DGKG: variants seen among roughly 807,000 people sequenced by gnomAD.
The protein encoded by DGKG is diacylglycerol kinase gamma, also known as DAG kinase gamma.
In DGKG, 78 loss-of-function variants were observed where a neutral mutation model predicts 105.3. The observed-to-expected ratio is 0.74, with a 90% CI of 0.62 to 0.89. The LOEUF is 0.89. Ranked by LOEUF, DGKG falls within the 40% of genes least tolerant of loss-of-function variation. The pLI, the probability that DGKG is intolerant of heterozygous loss-of-function variation, is 0.00. For missense variants in DGKG, 958 were observed against 1,020.1 expected (o/e 0.94, Z 0.83); for synonymous variants, 346 against 367.1 (o/e 0.94, Z 0.66).
intron 20 of DGKG, among the ~76,000 whole-genome samples, chr3:186,221,665 C>T (rs1719587703): frequency 6.6e-6 from 1 of 152,292 alleles, no homozygotes; most frequent in African/African-American, 2.4e-5. Flanking sequence ...GCGGTGGGGA[C>T]AGTGAAGATA....
At chr3:186,241,380 C>T (rs1720677516) in intron 20 of DGKG, among the ~76,000 whole-genome samples, 1 of 151,916 alleles carries the variant, frequency 6.6e-6, no homozygotes, top group Admixed American at 6.6e-5. Flanking sequence ...TAGTGAAACC[C>T]CATCTCTACT....
rs188251535 is a variant in DGKG, at chr3:186,334,453, G to C, written c.-248-13746C>G. Among the ~76,000 whole-genome samples, 125 of 152,326 alleles carry C rather than the reference G, an allele frequency of 8.2e-4. 1 individual carries two copies. Among genetic ancestry groups the C allele is most frequent in the Non-Finnish European group, 1.1e-3 (77 of 68,032 alleles). On this transcript the variant is annotated intron_variant, in intron 1 of 24. Coordinates refer to ENST00000265022, the MANE Select transcript of DGKG (RefSeq NM_001346.3). ...GTGCCTCTTCCTCCACCAACCAGCAGTGTCCTAATGGGCGATTATGTAGTA... is the reference window on the plus strand; with the variant it reads ...GTGCCTCTTCCTCCACCAACCAGCACTGTCCTAATGGGCGATTATGTAGTA...
At chr3:186,208,055 T>C (rs1045899744) in intron 21 of DGKG, among the ~76,000 whole-genome samples, 7 of 152,168 alleles carry the variant, frequency 4.6e-5, no homozygotes, top group African/African-American at 1.7e-4. Context: ...TTTTTTCTTT[T>C]TTTTGAGACA....
intron 7 of DGKG, among the ~76,000 whole-genome samples, chr3:186,283,594 T>C (rs1459696018): frequency 6.6e-6 from 1 of 152,248 alleles, no homozygotes; most frequent in Non-Finnish European, 1.5e-5. Context: ...TTTACTATGC[T>C]GCTTAGTGTC....
chr3:186,240,327 A>G (rs1209106619), intron 20 of DGKG, among the ~76,000 whole-genome samples: 1 of 152,206 alleles, frequency 6.6e-6, no homozygotes, highest in Non-Finnish European at 1.5e-5. Context: ...CATTCTGCAC[A>G]TCTGCTTTCC....
At chr3:186,161,201 GCTTCCAC>G in intron 24 of DGKG, 1 of 1,001,230 alleles carries the variant, frequency 1.0e-6, no homozygotes. Flanking sequence ...TGTAGATTTG[GCTTCCAC>G]GTAAGGAAGC....
chr3:186,166,112 G>A (rs1344989158), intron 22 of DGKG, among the ~76,000 whole-genome samples: 1 of 152,176 alleles, frequency 6.6e-6, no homozygotes, highest in Non-Finnish European at 1.5e-5. Flanking sequence ...CTTTACTCTT[G>A]TTTAGAAGGC....
rs111796140 is a variant in DGKG, at chr3:186,353,592, C to T, written c.-249+8354G>A. On this transcript the variant is annotated intron_variant, in intron 1 of 24. Transcript: ENST00000265022. ...ATATATATATATATATATATATATA[C>T]ACACACACACATACACATATATATA... Among the ~76,000 whole-genome samples, 468 of 98,584 alleles carry T rather than the reference C, an allele frequency of 4.7e-3. 2 individuals carry two copies. The highest frequency in any genetic ancestry group is 8.0e-3 in the Admixed American group (86 of 10,764). 64.7% of individuals were successfully genotyped at this position (98,584 alleles called of 152,430 possible).
At chr3:186,276,326 A>G (rs1174516297) in intron 9 of DGKG, among the ~76,000 whole-genome samples, 1 of 152,212 alleles carries the variant, frequency 6.6e-6, no homozygotes, top group Admixed American at 6.5e-5. Context: ...TTTCGATGAT[A>G]TGTTATGATT....
chr3:186,345,298 A>G (rs1269392754), intron 1 of DGKG, among the ~76,000 whole-genome samples: 6 of 152,176 alleles, frequency 3.9e-5, no homozygotes, highest in Non-Finnish European at 4.4e-5. Flanking sequence ...TTCCTATGGT[A>G]AACAACATAG....
intron 1 of DGKG, among the ~76,000 whole-genome samples, chr3:186,359,184 A>C (rs1184209142): frequency 6.6e-6 from 1 of 152,076 alleles, no homozygotes; most frequent in Non-Finnish European, 1.5e-5. Flanking sequence ...TGGTGAATGG[A>C]ATCCTAAATT....
At chr3:186,299,551 T>A (rs1291576986) in intron 3 of DGKG, among the ~76,000 whole-genome samples, 5 of 152,130 alleles carry the variant, frequency 3.3e-5, no homozygotes, top group Admixed American at 3.3e-4. Flanking sequence ...TCCAAGCAAA[T>A]GGTGGACTCA....
At chr3:186,190,958 A>T (rs984809307) in intron 21 of DGKG, among the ~76,000 whole-genome samples, 2 of 152,214 alleles carry the variant, frequency 1.3e-5, no homozygotes, top group African/African-American at 4.8e-5. Context: ...ACTGTCACCC[A>T]GCCTACTTTT....
chr3:186,352,257 A>G (rs1304470237), intron 1 of DGKG, among the ~76,000 whole-genome samples: 3 of 152,182 alleles, frequency 2.0e-5, no homozygotes, highest in African/African-American at 7.2e-5. Flanking sequence ...GGTCTGAGTC[A>G]ATAGACGGCT....
chr3:186,164,174 G>T (rs993761945), intron 23 of DGKG, among the ~76,000 whole-genome samples: 1 of 152,158 alleles, frequency 6.6e-6, no homozygotes, highest in African/African-American at 2.4e-5. Flanking sequence ...GACTCCTCTC[G>T]GAGATCCCCA....
intron 22 of DGKG, among the ~76,000 whole-genome samples, chr3:186,168,105 G>T (rs1159331458): frequency 1.3e-5 from 2 of 152,204 alleles, no homozygotes; most frequent in East Asian, 3.9e-4. Flanking sequence ...ATGATCATGT[G>T]TGGGGCTGGA....
intron 21 of DGKG, among the ~76,000 whole-genome samples, chr3:186,195,071 C>G (rs1228719752): frequency 1.3e-5 from 2 of 151,812 alleles, no homozygotes; most frequent in African/African-American, 2.4e-5. Flanking sequence ...CGCCACTGGA[C>G]TCCAGCCTGG....
intron 3 of DGKG, among the ~76,000 whole-genome samples, chr3:186,302,577 T>TATAC (rs1724027586): frequency 7.2e-6 from 1 of 138,228 alleles, no homozygotes; most frequent in African/African-American, 2.8e-5. Context: ...TATATATATA[T>TATAC]ACCCACATAC....
chr3:186,220,623 C>T (rs561857353), intron 20 of DGKG, among the ~76,000 whole-genome samples: 28 of 152,282 alleles, frequency 1.8e-4, no homozygotes, highest in African/African-American at 5.5e-4. Flanking sequence ...ACATGCGCCA[C>T]CGGTATGGCT....
Sources: allele counts gnomAD v4.1 joint callset (sites outside exome capture counted in the v4.1 genomes callset), GRCh38; gene constraint gnomAD v4.1.1; transcripts MANE v1.5; gene names NCBI Gene and HGNC (gene_info 2026-07-23, HGNC 2026-07-21).